SV2A: variants seen among roughly 807,000 people sequenced by gnomAD.
The protein encoded by SV2A is solute carrier family 22 member B1.
Under a neutral mutation model 78.0 loss-of-function variants are expected in SV2A, and 25 were observed. The observed-to-expected ratio is 0.32, with a 90% confidence interval of 0.23 to 0.45. The LOEUF (loss-of-function observed/expected upper bound fraction) is 0.45. SV2A is among the 20% of genes least tolerant of loss of function. The pLI is 1.00. For missense variants in SV2A, 752 were observed against 971.5 expected (o/e 0.77, Z 3.00); for synonymous variants, 355 against 384.7 (o/e 0.92, Z 0.90).
At chr1:149,916,285 T>C (rs1247598997) in intron 1 of SV2A, among the ~76,000 whole-genome samples, 2 of 152,036 alleles carry the variant, frequency 1.3e-5, no homozygotes, top group Non-Finnish European at 2.9e-5. Flanking sequence ...CACAGCAGGA[T>C]ATGAGGTCTC....
chr1:149,911,877 G>A lies in SV2A; in HGVS notation c.726C>T (p.Asn242=), dbSNP rs1553763836. Residue 242 remains asparagine (N), a synonymous_variant, in exon 3 of 13, where the codon AAC becomes AAT. Coordinates refer to ENST00000369146, the MANE Select transcript of SV2A (RefSeq NM_014849.5). Reference sequence around the variant, plus strand: ...AAGATGAGAAGAAGGCGAAGACGCTGTTGACTGAGAGCGAGATGAGCAGAC... The same window carrying A: ...AAGATGAGAAGAAGGCGAAGACGCTATTGACTGAGAGCGAGATGAGCAGAC... ...RQCLLISLSV[N]SVFAFFSSFV... 1 of 1,614,238 alleles carries A rather than the reference G, an allele frequency of 6.2e-7. No homozygotes were observed. Among genetic ancestry groups the A allele is most frequent in the African/African-American group, 1.3e-5 (1 of 75,058 alleles).
rs2092468104 is a variant in SV2A, at chr1:149,910,414, G to T, written c.1089+156C>A. Among the ~76,000 whole-genome samples, 1 of 152,178 alleles carries T rather than the reference G, an allele frequency of 6.6e-6. No individual in the cohort carries two copies. Among genetic ancestry groups the T allele is most frequent in the African/African-American group, 2.4e-5 (1 of 41,436 alleles). ...ACACATTCCAAGGCAAAGAATGCAA[G>T]ATAAAGTCCCCTGGAGAGTGGACTC... On this transcript the variant is annotated intron_variant, in intron 5 of 12. Coordinates refer to ENST00000369146, the MANE Select transcript of SV2A (RefSeq NM_014849.5). This position sits in a 1 kb window ranked among gnomAD's most constrained non-coding sequence, Gnocchi z 4.2.
At chr1:149,906,608 C>T (rs373519934) in intron 11 of SV2A, 42 bp downstream of exon 11, 11 of 1,607,690 alleles carry the variant, frequency 6.8e-6, no homozygotes, top group Non-Finnish European at 7.7e-6. Flanking sequence ...CCCGCAGCCC[C>T]TGGCCCCTAC....
intron 2 of SV2A, among the ~76,000 whole-genome samples, chr1:149,912,340 C>A (rs1249053393): frequency 6.6e-6 from 1 of 152,084 alleles, no homozygotes; most frequent in Non-Finnish European, 1.5e-5. Context: ...TCTCTATTCT[C>A]CCTGCTTTGA....
rs1225159532 is a variant in SV2A, at chr1:149,905,051, A to G, written c.2192T>C (p.Leu731Pro). The G allele has an allele frequency of 6.2e-7, 1 of 1,612,944 alleles. No homozygotes were observed. The highest frequency in any genetic ancestry group is 8.5e-7 in the Non-Finnish European group (1 of 1,179,558). Residue 731 changes from leucine (L) to proline (P), a missense_variant, in exon 13 of 13, where the codon CTG becomes CCG. Coordinates refer to ENST00000369146, the MANE Select transcript of SV2A (RefSeq NM_014849.5). Reference sequence around the variant, plus strand: ...CTGCCCCCGGGTCTCAGGCAGCTTCAGGGCCAGAGAGCTGCCAAGGGCAAG... The same window carrying G: ...CTGCCCCCGGGTCTCAGGCAGCTTCGGGGCCAGAGAGCTGCCAAGGGCAAG... ...AALALGSSLALKLPETRGQVL... is the reference protein window; with the variant it reads ...AALALGSSLAPKLPETRGQVL...
Position 149,907,840 on chromosome 1 carries a change from G to A in SV2A, c.1545-7C>T. ...GAGCCGCAGCCCAATGAACCTGTAAGGCCAGGATGGTGAAAGACACTCCCC... is the reference window on the plus strand; with the variant it reads ...GAGCCGCAGCCCAATGAACCTGTAAAGCCAGGATGGTGAAAGACACTCCCC... On this transcript the variant is annotated splice_polypyrimidine_tract_variant and splice_region_variant and intron_variant, in intron 9 of 12. Coordinates refer to ENST00000369146, the MANE Select transcript of SV2A (RefSeq NM_014849.5). 6.2e-7 allele frequency: 1 copy of A among 1,613,066 alleles called. No individual in the cohort carries two copies. The highest frequency in any genetic ancestry group is 8.5e-7 in the Non-Finnish European group (1 of 1,179,348).
At chr1:149,909,676 A>G in intron 6 of SV2A, 105 bp from the exon 7 acceptor site, 2 of 1,432,934 alleles carry the variant, frequency 1.4e-6, no homozygotes, top group South Asian at 1.2e-5. Flanking sequence ...CAGGAGGTGG[A>G]TATGATACCC....
chr1:149,905,775 A>G lies in SV2A; in HGVS notation c.2045+105T>C, dbSNP rs587604303. The G allele has an allele frequency of 3.5e-6, 5 of 1,438,176 alleles. No homozygotes were observed. The South Asian group carries it at 5.3e-5, about 15-fold the overall frequency. 89.1% of individuals were successfully genotyped at this position (1,438,176 alleles called of 1,614,324 possible). A position where few individuals can be genotyped will look rare whatever the true frequency, so the allele number is the denominator to read the frequency against. On this transcript the variant is annotated intron_variant, in intron 12 of 12. Coordinates refer to ENST00000369146, the MANE Select transcript of SV2A (RefSeq NM_014849.5). ...CCAGATTTTAGAGGAGAAAATGGAA[A>G]TGTATATCCTCTCACCCCTAAGGAT... is the stretch of plus-strand genomic sequence containing the variant.
Position 149,913,327 on chromosome 1 carries a change from G to C in SV2A, c.514C>G (p.Leu172Val). The C allele has an allele frequency of 6.2e-7, 1 of 1,614,166 alleles. No individual in the cohort carries two copies. Among genetic ancestry groups the C allele is most frequent in the Non-Finnish European group, 8.5e-7 (1 of 1,180,030 alleles). The change falls in exon 2 of 13, where the codon CTT becomes GTT. Residue 172 changes from leucine to valine, a missense_variant. By Grantham distance (32) the Leu-to-Val change is conservative. Around this residue, in one of 7 missense-constraint regions of SV2A, gnomAD observed 291 missense variants for 359.5 expected, o/e 0.81. Transcript: ENST00000369146. ...GRFQWTLYFV[L>V]GLALMADGVE... The stretch of plus-strand genomic sequence containing the variant: ...CCGTCAGCCATCAGCGCCAGACCAA[G>C]CACAAAATACAGTGTCCACTGGAAG...
chr1:149,909,673 T>A lies in SV2A; in HGVS notation c.1180-102A>T, dbSNP rs587746614. 1.3e-5 allele frequency: 18 copies of A among 1,426,514 alleles called. No individual in the cohort carries two copies. The East Asian group carries it at 3.7e-4, about 29-fold the overall frequency. 88.4% of individuals were successfully genotyped at this position (1,426,514 alleles called of 1,614,324 possible). On this transcript the variant is annotated intron_variant, in intron 6 of 12. Transcript: ENST00000369146. ...CATTAGCAAAATGGGAGGCAGGAGG[T>A]GGATATGATACCCTGAAAATCTCCT...
At chr1:149,907,006 C>T in intron 10 of SV2A, 150 bp from the exon 11 acceptor site, 3 of 1,469,910 alleles carry the variant, frequency 2.0e-6, no homozygotes, top group South Asian at 2.8e-5. Context: ...CATCAAATAA[C>T]ATCACCATGG....
In SV2A at chr1:149,910,998, T is replaced by C; in HGVS notation, c.804-21A>G. 6.2e-7 allele frequency: 1 copy of C among 1,609,418 alleles called. No individual in the cohort carries two copies. The highest frequency in any genetic ancestry group is 8.5e-7 in the Non-Finnish European group (1 of 1,178,108). On this transcript the variant is annotated intron_variant, in intron 3 of 12. Transcript: ENST00000369146. The surrounding 1 kb of genome is among the most constrained non-coding windows in gnomAD (Gnocchi z 4.2). Reference sequence around the variant, plus strand: ...CAATCCTGAAGTGCATTTCAAGAATTCAGCATTAGCAAATGGCCATAGTCC... The same window carrying C: ...CAATCCTGAAGTGCATTTCAAGAATCCAGCATTAGCAAATGGCCATAGTCC...
At chr1:149,909,419 C>T (rs1553763316) in intron 7 of SV2A, 42 bp downstream of exon 7, 1 of 1,584,476 alleles carries the variant, frequency 6.3e-7, no homozygotes, top group African/African-American at 1.3e-5. Flanking sequence ...TTCTTCTCCA[C>T]TTCCCCCACT....
intron 10 of SV2A, 128 bp downstream of exon 10, chr1:149,907,572 C>T (rs1452150501): frequency 3.3e-6 from 4 of 1,202,506 alleles, no homozygotes; most frequent in Non-Finnish European, 4.5e-6. Flanking sequence ...TCAGGCCCCT[C>T]TGCCACCTTC....
In SV2A at chr1:149,906,817, T is replaced by C. The variant is rs2092441363; in HGVS notation, c.1718A>G (p.Asn573Ser). 6.2e-7 allele frequency: 1 copy of C among 1,614,094 alleles called. No individual in the cohort carries two copies. Among genetic ancestry groups the C allele is most frequent in the African/African-American group, 1.3e-5 (1 of 74,910 alleles). ...CTCCTTGTTGTGCAGGAATGTACTG[T>C]TTATCAGACGGCTGTTCACAAACTT... Reference protein sequence around the residue: ...EYKFVNSRLINSTFLHNKEGC... With the variant: ...EYKFVNSRLISSTFLHNKEGC... Residue 573 changes from asparagine (N) to serine (S), a missense_variant, in exon 11 of 13, where the codon AAC (asparagine) becomes AGC (serine). Asn to Ser is a conservative substitution (Grantham distance 46, BLOSUM62 1). Around this residue, in one of 7 missense-constraint regions of SV2A, gnomAD observed 186 missense variants for 274.6 expected, o/e 0.68. Coordinates refer to ENST00000369146, the MANE Select transcript of SV2A (RefSeq NM_014849.5).
rs1553763649 is a variant in SV2A at position 149,910,901 on chromosome 1, T to A, written c.880A>T (p.Ser294Cys). Residue 294 changes from serine (S) to cysteine (C), a missense_variant, in exon 4 of 13, where the codon AGC becomes TGC. Transcript: ENST00000369146. The surrounding 1 kb of genome is among the most constrained non-coding windows in gnomAD (Gnocchi z 4.2). The stretch of plus-strand genomic sequence containing the variant: ...ATCATCCAAAACATGCAGAGCCAGC[T>A]CAAATGCTCCCCTCGTTTCTCCTGG... ...LAQEKRGEHL[S>C]WLCMFWMIGG... 25 of 1,614,216 alleles carry A rather than the reference T, an allele frequency of 1.5e-5. No homozygotes were observed. Among genetic ancestry groups the A allele is most frequent in the Non-Finnish European group, 2.0e-5 (24 of 1,180,040 alleles).
chr1:149,915,914 C>A (rs1276813965), intron 1 of SV2A, among the ~76,000 whole-genome samples: 7 of 150,506 alleles, frequency 4.7e-5, no homozygotes, highest in Middle Eastern at 3.5e-3. Flanking sequence ...CACACACACG[C>A]ACACACACAC....
At chr1:149,909,721 T>TG in intron 6 of SV2A, 80 bp downstream of exon 6, 1 of 1,487,128 alleles carries the variant, frequency 6.7e-7, no homozygotes, top group Non-Finnish European at 9.4e-7. Flanking sequence ...TGGTCTGAGG[T>TG]GGGGGGTACT....
At position 149,913,596 on chromosome 1, in the gene SV2A, T is replaced by G; in HGVS notation, c.245A>C (p.Asp82Ala). The G allele has an allele frequency of 6.2e-7, 1 of 1,614,104 alleles. No individual in the cohort carries two copies. Among genetic ancestry groups the G allele is most frequent in the Non-Finnish European group, 8.5e-7 (1 of 1,180,024 alleles). Reference sequence around the variant, plus strand: ...ATCCTCGTCATGGCCCTCAGTAGCATCACTGGATGCACCACCTTCCTCCTC... The same window carrying G: ...ATCCTCGTCATGGCCCTCAGTAGCAGCACTGGATGCACCACCTTCCTCCTC... ...QDEEEGGASS[D>A]ATEGHDEDDE... The change falls in exon 2 of 13, where the codon GAT becomes GCT. Residue 82 changes from aspartate to alanine, a missense_variant. By Grantham distance (126) the Asp-to-Ala change is moderately radical (BLOSUM62 -2). This residue lies in a region of SV2A where 291 missense variants were observed against 359.5 expected (regional missense o/e 0.81). Coordinates refer to ENST00000369146, the MANE Select transcript of SV2A (RefSeq NM_014849.5).
Sources: allele counts gnomAD v4.1 joint callset (sites outside exome capture counted in the v4.1 genomes callset), GRCh38; gene constraint gnomAD v4.1.1; regional missense constraint gnomAD v4.1.1; non-coding constraint Gnocchi (gnomAD v3.1); transcripts MANE v1.5; gene names NCBI Gene and HGNC (gene_info 2026-07-23, HGNC 2026-07-21).